The following ALK variants were observed in gnomAD, a reference collection of about 807,000 sequenced individuals.
ALK encodes the protein ALK receptor tyrosine kinase.
Under a neutral mutation model 163.1 loss-of-function variants are expected in ALK, and 74 were observed. The observed-to-expected ratio is 0.45, with a 90% CI of 0.38 to 0.55. ALK has a LOEUF of 0.55. Among genes scored for constraint, ALK ranks in the 20% least tolerant of loss-of-function variants. ALK has a pLI of 0.00. For synonymous variants in ALK, 960 were observed against 843.2 expected (o/e 1.14, Z -2.40); for missense variants, 2,063 against 2,105.3 (o/e 0.98, Z 0.39).
intron 4 of ALK, among the ~76,000 whole-genome samples, chr2:29,488,263 T>C (rs1671824850): frequency 6.6e-6 from 1 of 152,212 alleles, no homozygotes; most frequent in South Asian, 2.1e-4. Context: ...ATTTACTTCT[T>C]AATAATCTGT....
intron 1 of ALK, among the ~76,000 whole-genome samples, chr2:29,896,635 A>C (rs1245141452): frequency 6.6e-6 from 1 of 152,174 alleles, no homozygotes; most frequent in Non-Finnish European, 1.5e-5. Context: ...GAGAAAATAA[A>C]TTTCTGCTGC....
chr2:29,228,903 T>G lies in ALK; in HGVS notation c.2796A>C (p.Gly932=), dbSNP rs1664095659. The change falls in exon 16 of 29, where the codon GGA becomes GGC. Residue 932 remains glycine, a synonymous_variant. Coordinates refer to ENST00000389048, the MANE Select transcript of ALK (RefSeq NM_004304.5). ...GGGGGGCSSG[G]GGGGYIGGNA... ...CTTTACCTATATATCCTCCGCCTCC[T>G]CCACCTGAGGAGCACCCCCCTCCAC... 1.3e-6 allele frequency: 2 copies of G among 1,590,786 alleles called. No homozygotes were observed. Among genetic ancestry groups the G allele is most frequent in the African/African-American group, 1.3e-5 (1 of 74,326 alleles).
chr2:29,262,471 G>C (rs1205194113), intron 11 of ALK, among the ~76,000 whole-genome samples: 1 of 152,158 alleles, frequency 6.6e-6, no homozygotes, highest in Non-Finnish European at 1.5e-5. Context: ...CTTTCTCTGT[G>C]GTTCTTTGTG....
chr2:29,369,197 T>A (rs554250377), intron 5 of ALK, among the ~76,000 whole-genome samples: 1 of 152,316 alleles, frequency 6.6e-6, no homozygotes, highest in African/African-American at 2.4e-5. Flanking sequence ...CAGCCTTGGA[T>A]AAGACCTCAA....
At chr2:29,390,661 A>G (rs1216825057) in intron 4 of ALK, among the ~76,000 whole-genome samples, 1 of 152,222 alleles carries the variant, frequency 6.6e-6, no homozygotes, top group African/African-American at 2.4e-5. Flanking sequence ...TTTCCTTAAA[A>G]TATACTTTGT....
At chr2:29,817,886 T>G (rs1050677921) in intron 1 of ALK, among the ~76,000 whole-genome samples, 2 of 152,184 alleles carry the variant, frequency 1.3e-5, no homozygotes, top group African/African-American at 4.8e-5. Flanking sequence ...CTATAGAAAT[T>G]GTTTAAACTG....
intron 1 of ALK, among the ~76,000 whole-genome samples, chr2:29,880,942 A>C (rs966199214): frequency 6.6e-6 from 1 of 152,148 alleles, no homozygotes; most frequent in African/African-American, 2.4e-5. Context: ...TCCAGAGTTA[A>C]CTTTTTAGTA....
At chr2:29,541,370 G>C (rs917636875) in intron 3 of ALK, among the ~76,000 whole-genome samples, 1 of 152,212 alleles carries the variant, frequency 6.6e-6, no homozygotes, top group Non-Finnish European at 1.5e-5. Flanking sequence ...TCAGTTCACT[G>C]TAACCTCTGC....
chr2:29,842,878 T>C (rs991567278), intron 1 of ALK, among the ~76,000 whole-genome samples: 4 of 152,162 alleles, frequency 2.6e-5, no homozygotes, highest in African/African-American at 4.8e-5. Flanking sequence ...TGGGAAACTA[T>C]AGGCTTCCCA....
chr2:29,853,285 C>G (rs1468716119), intron 1 of ALK, among the ~76,000 whole-genome samples: 1 of 152,146 alleles, frequency 6.6e-6, no homozygotes, highest in African/African-American at 2.4e-5. Flanking sequence ...TGCAACATGC[C>G]CAAAGCCTAA....
chr2:29,387,860 A>G (rs1015484573), intron 4 of ALK, among the ~76,000 whole-genome samples: 2 of 152,242 alleles, frequency 1.3e-5, no homozygotes, highest in African/African-American at 2.4e-5. Flanking sequence ...TAGGATTAAA[A>G]TAAAGCATAT....
chr2:29,682,633 A>G (rs879585957), intron 3 of ALK, among the ~76,000 whole-genome samples: 1 of 152,196 alleles, frequency 6.6e-6, no homozygotes, highest in African/African-American at 2.4e-5. Flanking sequence ...ATAATACTTT[A>G]TGTTTGCTTA....
intron 3 of ALK, among the ~76,000 whole-genome samples, chr2:29,681,515 G>A (rs1428746978): frequency 6.6e-6 from 1 of 152,134 alleles, no homozygotes; most frequent in South Asian, 2.1e-4. Flanking sequence ...TAAAAATCTG[G>A]AGGAGGAATG....
chr2:29,815,446 A>G (rs2148374567), intron 1 of ALK, among the ~76,000 whole-genome samples: 1 of 152,234 alleles, frequency 6.6e-6, no homozygotes, highest in Non-Finnish European at 1.5e-5. Flanking sequence ...TCTGTTTAAA[A>G]TCTGGTTGTT....
chr2:29,790,880 G>A (rs530443222), intron 1 of ALK, among the ~76,000 whole-genome samples: 28 of 152,086 alleles, frequency 1.8e-4, no homozygotes, highest in South Asian at 6.2e-4. Context: ...CACCTCACCC[G>A]GCCAAAAAAT....
chr2:29,376,568 G>A (rs150807560), intron 5 of ALK, among the ~76,000 whole-genome samples: 334 of 152,342 alleles, frequency 2.2e-3, no homozygotes, highest in African/African-American at 7.6e-3. Flanking sequence ...GCATAGATGA[G>A]TGGATGCATG....
At chr2:29,574,750 G>A (rs1184975820) in intron 3 of ALK, among the ~76,000 whole-genome samples, 1 of 152,212 alleles carries the variant, frequency 6.6e-6, no homozygotes, top group African/African-American at 2.4e-5. Flanking sequence ...GGGAGGCCGT[G>A]CTGAACTCTT....
intron 5 of ALK, among the ~76,000 whole-genome samples, chr2:29,353,723 TAA>T (rs76463638): frequency 2.1e-5 from 3 of 140,110 alleles, no homozygotes; most frequent in African/African-American, 2.6e-5. Context: ...AGTGAGGATC[TAA>T]AAAAAAAAAA....
At chr2:29,457,231 T>G (rs1670978334) in intron 4 of ALK, among the ~76,000 whole-genome samples, 1 of 151,986 alleles carries the variant, frequency 6.6e-6, no homozygotes, top group South Asian at 2.1e-4. Context: ...TCGATTGAAA[T>G]GTAGGAGCTG....
Sources: allele counts gnomAD v4.1 joint callset (sites outside exome capture counted in the v4.1 genomes callset), GRCh38; gene constraint gnomAD v4.1.1; transcripts MANE v1.5; gene names NCBI Gene and HGNC (gene_info 2026-07-23, HGNC 2026-07-21).